TNR: variants seen among roughly 807,000 people sequenced by gnomAD.
TNR encodes tenascin-R.
A neutral mutation model predicts 150.4 loss-of-function variants in TNR; 45 were observed. The observed-to-expected ratio is 0.30, with a 90% CI of 0.24 to 0.38. The LOEUF is 0.38. Among genes scored for constraint, TNR ranks in the 10% least tolerant of loss-of-function variants. TNR has a pLI of 1.00. For synonymous variants in TNR, 687 were observed against 678.4 expected (o/e 1.01, Z -0.20); for missense variants, 1,544 against 1,759.1 (o/e 0.88, Z 2.19).
intron 1 of TNR, among the ~76,000 whole-genome samples, chr1:175,735,939 T>C (rs1415188364): frequency 1.3e-5 from 2 of 152,200 alleles, no homozygotes; most frequent in Non-Finnish European, 2.9e-5. Flanking sequence ...GATTGGCTCT[T>C]GGTACTAAAA....
chr1:175,707,401 G>C (rs1666870382), intron 1 of TNR, among the ~76,000 whole-genome samples: 1 of 152,124 alleles, frequency 6.6e-6, no homozygotes, highest in African/African-American at 2.4e-5. Context: ...TTGAGTGCCT[G>C]TTTTGTGCAT....
chr1:175,357,424 T>C (rs1651383821), intron 15 of TNR, among the ~76,000 whole-genome samples: 1 of 152,222 alleles, frequency 6.6e-6, no homozygotes, highest in Non-Finnish European at 1.5e-5. Context: ...TCAAGTTTCT[T>C]GTGGTCTAAA....
chr1:175,551,849 T>A (rs187178398), intron 1 of TNR, among the ~76,000 whole-genome samples: 142 of 152,170 alleles, frequency 9.3e-4, no homozygotes, highest in African/African-American at 3.3e-3. Context: ...ATTGGAAGAA[T>A]GGGGAGGGGC....
chr1:175,530,800 T>C (rs889756007), intron 1 of TNR, among the ~76,000 whole-genome samples: 3 of 152,162 alleles, frequency 2.0e-5, no homozygotes, highest in Admixed American at 6.5e-5. Context: ...GGCCCCTGTG[T>C]TGGCAGCATG....
chr1:175,657,929 T>C (rs1665242010), intron 1 of TNR, among the ~76,000 whole-genome samples: 1 of 87,922 alleles, frequency 1.1e-5, no homozygotes, highest in Non-Finnish European at 2.5e-5. Flanking sequence ...AAACTTAAAG[T>C]ATAATAAAAA....
chr1:175,561,999 A>G (rs554084831), intron 1 of TNR, among the ~76,000 whole-genome samples: 3 of 152,312 alleles, frequency 2.0e-5, no homozygotes, highest in African/African-American at 7.2e-5. Context: ...CCAGCCGTGA[A>G]ATATGAGAAA....
intron 2 of TNR, among the ~76,000 whole-genome samples, chr1:175,416,501 G>A (rs1333784195): frequency 6.6e-6 from 1 of 152,192 alleles, no homozygotes; most frequent in Non-Finnish European, 1.5e-5. Flanking sequence ...TTTCATCTGT[G>A]TTTCTTGAGC....
At chr1:175,634,776 A>T (rs1664443364) in intron 1 of TNR, among the ~76,000 whole-genome samples, 1 of 152,204 alleles carries the variant, frequency 6.6e-6, no homozygotes, top group Admixed American at 6.5e-5. Context: ...GTCAGTCCCA[A>T]GTTGCCACTC....
At chr1:175,482,067 G>C (rs548362839) in intron 2 of TNR, among the ~76,000 whole-genome samples, 14 of 152,290 alleles carry the variant, frequency 9.2e-5, no homozygotes, top group African/African-American at 3.4e-4. Context: ...TCATGTTCTG[G>C]AAATGTAAGC....
intron 1 of TNR, among the ~76,000 whole-genome samples, chr1:175,595,495 G>A (rs951574627): frequency 6.6e-6 from 1 of 152,202 alleles, no homozygotes; most frequent in African/African-American, 2.4e-5. Flanking sequence ...CATGGATGAA[G>A]TTGAACCTCT....
intron 2 of TNR, among the ~76,000 whole-genome samples, chr1:175,484,176 T>C (rs1657917705): frequency 6.6e-6 from 1 of 152,228 alleles, no homozygotes; most frequent in Non-Finnish European, 1.5e-5. Flanking sequence ...TGCCTTTATT[T>C]ACTTACTGGG....
rs573428060 is a variant in TNR at position 175,316,782 on chromosome 1, A to C, written c.*6575T>G. On this transcript the variant is annotated 3_prime_UTR_variant, in exon 23 of 23. Coordinates refer to ENST00000367674, the MANE Select transcript of TNR (RefSeq NM_003285.3). ...CGTCTACCAAATTTAAAAAGAAAGA[A>C]AAGGAAAGAGATGTCAGAATGTTTC... is the stretch of plus-strand genomic sequence containing the variant. The C allele has an allele frequency of 6.4e-4, 98 of 152,328 alleles. No individual in the cohort carries two copies. Among genetic ancestry groups the C allele is most frequent in the African/African-American group, 2.3e-3 (96 of 41,576 alleles). 9.4% of individuals were successfully genotyped at this position (152,328 alleles called of 1,614,324 possible).
At chr1:175,514,776 A>C (rs542094168) in intron 2 of TNR, among the ~76,000 whole-genome samples, 240 of 152,346 alleles carry the variant, frequency 1.6e-3, no homozygotes, top group African/African-American at 5.5e-3. Flanking sequence ...CTGATGAAGC[A>C]CAGCATGATA....
intron 2 of TNR, among the ~76,000 whole-genome samples, chr1:175,418,203 AG>A (rs1654587336): frequency 6.6e-6 from 1 of 152,122 alleles, no homozygotes; most frequent in African/African-American, 2.4e-5. Flanking sequence ...AGGATAGAGA[AG>A]TCTCAGGCGA....
At chr1:175,704,587 TC>T (rs1224957666) in intron 1 of TNR, among the ~76,000 whole-genome samples, 1 of 152,180 alleles carries the variant, frequency 6.6e-6, no homozygotes, top group African/African-American at 2.4e-5. Context: ...CTTTCTCCAG[TC>T]AACAGCCCTC....
At chr1:175,565,827 C>T (rs1312339658) in intron 1 of TNR, among the ~76,000 whole-genome samples, 1 of 152,102 alleles carries the variant, frequency 6.6e-6, no homozygotes, top group African/African-American at 2.4e-5. Flanking sequence ...CAATGAAATA[C>T]CATGAAACTA....
At chr1:175,675,973 C>G (rs1046113909) in intron 1 of TNR, among the ~76,000 whole-genome samples, 1 of 152,096 alleles carries the variant, frequency 6.6e-6, no homozygotes, top group Non-Finnish European at 1.5e-5. Context: ...TCAGGGTTAC[C>G]TTTCAAAGGG....
chr1:175,364,052 G>C lies in TNR; in HGVS notation c.2588-225C>G, dbSNP rs77838406. The stretch of plus-strand genomic sequence containing the variant: ...ATGGAGAATATTTTAACAACATGAA[G>C]ACAAGCTGGCAAGCTCTGTACCTGT... On this transcript the variant is annotated intron_variant, in intron 12 of 22. Coordinates refer to ENST00000367674, the MANE Select transcript of TNR (RefSeq NM_003285.3). 4.4e-3 allele frequency among the ~76,000 whole-genome samples: 667 copies of C among 152,314 alleles called. 4 individuals are homozygous for C. The highest frequency in any genetic ancestry group is 0.015 in the African/African-American group (643 of 41,554).
intron 1 of TNR, among the ~76,000 whole-genome samples, chr1:175,705,610 CGTGT>C (rs950658878): frequency 1.1e-4 from 16 of 151,508 alleles, no homozygotes; most frequent in African/African-American, 3.6e-4. Context: ...TGTGTGCGTG[CGTGT>C]GTGTGTATTT....
Sources: gnomAD v4.1 joint callset for allele counts (sites outside exome capture counted in the v4.1 genomes callset) on GRCh38, gnomAD v4.1.1 for gene constraint, MANE v1.5 for transcripts, NCBI Gene and HGNC (gene_info 2026-07-23, HGNC 2026-07-21) for gene names.